The following NIPSNAP1 variants were observed in gnomAD, a reference collection of about 807,000 sequenced individuals.
NIPSNAP1 encodes nipsnap homolog 1, also known as protein NipSnap homolog 1.
In NIPSNAP1, 25 loss-of-function variants were observed where a neutral mutation model predicts 49.2. That is an observed-to-expected ratio of 0.51 (90% CI 0.37 to 0.71). NIPSNAP1 has a LOEUF of 0.71. Among genes scored for constraint, NIPSNAP1 ranks in the 30% least tolerant of loss-of-function variants. The pLI, the probability that NIPSNAP1 is intolerant of heterozygous loss-of-function variation, is 0.00. For missense variants in NIPSNAP1, 294 were observed against 361.0 expected (o/e 0.81, Z 1.50); for synonymous variants, 143 against 140.7 (o/e 1.02, Z -0.12).
At chr22:29,563,810 T>G (rs1200890680) in intron 4 of NIPSNAP1, among the ~76,000 whole-genome samples, 1 of 151,978 alleles carries the variant, frequency 6.6e-6, no homozygotes, top group Non-Finnish European at 1.5e-5. Context: ...AGGCAGAGAT[T>G]AGAATGACAA....
At chr22:29,560,445 A>G (rs1342447533) in intron 8 of NIPSNAP1, among the ~76,000 whole-genome samples, 1 of 151,852 alleles carries the variant, frequency 6.6e-6, no homozygotes, top group Non-Finnish European at 1.5e-5. Context: ...ATGGGGTTTC[A>G]CCATATTGGC....
At chr22:29,570,812 C>T (rs1248079306) in intron 1 of NIPSNAP1, among the ~76,000 whole-genome samples, 1 of 152,126 alleles carries the variant, frequency 6.6e-6, no homozygotes, top group African/African-American at 2.4e-5. Context: ...CCTGCCTCCA[C>T]TTCATCCCCC....
intron 1 of NIPSNAP1, among the ~76,000 whole-genome samples, chr22:29,579,479 G>A (rs1017516886): frequency 1.3e-5 from 2 of 151,768 alleles, no homozygotes; most frequent in Admixed American, 6.6e-5. Context: ...TGTATTTTTA[G>A]TAGAGATGGG....
intron 4 of NIPSNAP1, among the ~76,000 whole-genome samples, chr22:29,568,484 A>G (rs1366065583): frequency 3.2e-5 from 4 of 126,218 alleles, no homozygotes; most frequent in Non-Finnish European, 6.9e-5. Context: ...CCCTGTCTCA[A>G]AAAAGAAAAA....
At chr22:29,561,985 A>C in intron 4 of NIPSNAP1, 123 bp from the exon 5 acceptor site, 1 of 772,774 alleles carries the variant, frequency 1.3e-6, no homozygotes, top group Non-Finnish European at 2.2e-6. Context: ...TAGCAGCAAG[A>C]CTCCCTGAGT....
Position 29,570,498 on chromosome 22 carries a change from G to A in NIPSNAP1, c.133C>T (p.Arg45Cys), listed in dbSNP as rs201191849. The change falls in exon 2 of 10, where the codon CGC (arginine) becomes TGC (cysteine). Residue 45 changes from arginine (R) to cysteine (C), a missense_variant. Transcript: ENST00000216121. ...YSKDNEGSWFRSLFVHKVDPR... is the reference protein window; with the variant it reads ...YSKDNEGSWFCSLFVHKVDPR... ...TCCACTTTGTGAACAAAGAGGGAGC[G>A]GAACCAGCTGCCTTCATTGTCCTTG... is the stretch of plus-strand genomic sequence containing the variant. The A allele has an allele frequency of 2.5e-5, 41 of 1,614,024 alleles. No individual in the cohort carries two copies. The highest frequency in any genetic ancestry group is 1.7e-4 in the Middle Eastern group (1 of 6,060).
intron 4 of NIPSNAP1, among the ~76,000 whole-genome samples, chr22:29,563,098 T>A (rs1325931514): frequency 2.0e-4 from 26 of 131,342 alleles, no homozygotes; most frequent in African/African-American, 7.6e-4. Flanking sequence ...GACTCCATCT[T>A]AAAAAAAAAA....
chr22:29,569,951 T>G (rs1012781453), intron 3 of NIPSNAP1: 16 of 584,810 alleles, frequency 2.7e-5, no homozygotes, highest in Non-Finnish European at 4.3e-5. Context: ...ATCGCGCCAT[T>G]GCACTCCAGC....
Position 29,577,792 on chromosome 22 carries a change from G to A in NIPSNAP1, c.98+3193C>T, listed in dbSNP as rs188987590. ...CTGTTGCCCAGGCTGGAGTGCAGTG[G>A]CGCGATCTTGGCTCACTGCAACCTC... is the stretch of plus-strand genomic sequence containing the variant. On this transcript the variant is annotated intron_variant, in intron 1 of 9. Transcript: ENST00000216121. Among the ~76,000 whole-genome samples, 342 of 150,742 alleles carry A rather than the reference G, an allele frequency of 2.3e-3. 16 individuals are homozygous for A. The highest frequency in any genetic ancestry group is 8.1e-3 in the African/African-American group (328 of 40,308).
At chr22:29,569,336 C>T in intron 3 of NIPSNAP1, 49 bp from the exon 4 acceptor site, 1 of 1,412,252 alleles carries the variant, frequency 7.1e-7, no homozygotes, top group Non-Finnish European at 1.0e-6. Flanking sequence ...CCACCAGGGC[C>T]TCTGAGATAA....
In NIPSNAP1 at chr22:29,555,909, G is replaced by C. The variant is rs1569243870; in HGVS notation, c.*26C>G. 16 of 1,549,626 alleles carry C rather than the reference G, an allele frequency of 1.0e-5. No individual in the cohort carries two copies. Among genetic ancestry groups the C allele is most frequent in the Non-Finnish European group, 1.4e-5 (16 of 1,145,014 alleles). ...TGTCGGGGTTGCCTGAGGGAGAAGG[G>C]GAAGGAGGTGGAGGTGTAGGCAGCA... On this transcript the variant is annotated 3_prime_UTR_variant, in exon 10 of 10. Coordinates refer to ENST00000216121, the MANE Select transcript of NIPSNAP1 (RefSeq NM_003634.4).
intron 4 of NIPSNAP1, among the ~76,000 whole-genome samples, chr22:29,563,442 G>A (rs938898827): frequency 3.9e-5 from 6 of 151,992 alleles, no homozygotes; most frequent in African/African-American, 9.7e-5. Context: ...CAAGAGAATC[G>A]CTTCAACCTG....
intron 4 of NIPSNAP1, among the ~76,000 whole-genome samples, chr22:29,567,699 A>T (rs1015838831): frequency 6.6e-6 from 1 of 151,874 alleles, no homozygotes; most frequent in Non-Finnish European, 1.5e-5. Flanking sequence ...CAAAAAATTT[A>T]AAATAAATTA....
Position 29,573,407 on chromosome 22 carries a change from C to T in NIPSNAP1, c.99-2875G>A, listed in dbSNP as rs1459966078. ...GCATGGTGGCTCACGCCTATAATTCCAGCACTCTGGGAGGCCGAGGCAGGC... is the reference window on the plus strand; with the variant it reads ...GCATGGTGGCTCACGCCTATAATTCTAGCACTCTGGGAGGCCGAGGCAGGC... On this transcript the variant is annotated intron_variant, in intron 1 of 9. Coordinates refer to ENST00000216121, the MANE Select transcript of NIPSNAP1 (RefSeq NM_003634.4). 2.6e-5 allele frequency among the ~76,000 whole-genome samples: 4 copies of T among 151,858 alleles called. No homozygotes were observed. In the East Asian group the frequency reaches 5.8e-4, roughly 22 times the overall value.
intron 8 of NIPSNAP1, among the ~76,000 whole-genome samples, chr22:29,559,780 C>T (rs79900402): frequency 0.022 from 3,328 of 152,224 alleles, 134 homozygotes; most frequent in African/African-American, 0.075. Context: ...CATCCCACTG[C>T]CCCATCCCCT....
At chr22:29,577,223 A>T (rs1569250112) in intron 1 of NIPSNAP1, among the ~76,000 whole-genome samples, 1 of 150,504 alleles carries the variant, frequency 6.6e-6, no homozygotes, top group Non-Finnish European at 1.5e-5. Flanking sequence ...CAAGTAGCTG[A>T]GACCACAGGT....
chr22:29,569,256 C>T lies in NIPSNAP1; in HGVS notation c.304G>A (p.Glu102Lys). 6.2e-7 allele frequency: 1 copy of T among 1,613,968 alleles called. No individual in the cohort carries two copies. Among genetic ancestry groups the T allele is most frequent in the Non-Finnish European group, 8.5e-7 (1 of 1,179,956 alleles). ...EAVLPKLHLD[E>K]DYPCSLVGNW... ...CCCACGAGTGAGCATGGGTAGTCCT[C>T]ATCCAGGTGAAGCTTGGGCAGCACA... Residue 102 changes from glutamate to lysine, a missense_variant, in exon 4 of 10, where the codon GAG becomes AAG. Physicochemically the swap from Glu to Lys is moderately conservative, Grantham distance 56. Coordinates refer to ENST00000216121, the MANE Select transcript of NIPSNAP1 (RefSeq NM_003634.4).
chr22:29,564,593 T>C (rs1026504136), intron 4 of NIPSNAP1, among the ~76,000 whole-genome samples: 1 of 151,942 alleles, frequency 6.6e-6, no homozygotes, highest in Non-Finnish European at 1.5e-5. Flanking sequence ...TTTGTATTTT[T>C]AGTAGAGACA....
At chr22:29,568,069 C>T (rs2146609265) in intron 4 of NIPSNAP1, among the ~76,000 whole-genome samples, 1 of 149,362 alleles carries the variant, frequency 6.7e-6, no homozygotes, top group East Asian at 2.0e-4. Context: ...GTCCCAGCTA[C>T]TCAGGAAGCT....
Sources: allele counts gnomAD v4.1 joint callset (sites outside exome capture counted in the v4.1 genomes callset), GRCh38; gene constraint gnomAD v4.1.1; transcripts MANE v1.5; gene names NCBI Gene and HGNC (gene_info 2026-07-23, HGNC 2026-07-21).